Variants in ENOX2 observed in about 807,000 individuals in gnomAD.
ENOX2 encodes the protein APK1 antigen.
ENOX2 carries 36 observed loss-of-function variants against 45.0 expected under a neutral mutation model. The observed-to-expected ratio is 0.80, with a 90% CI of 0.61 to 1.06. The LOEUF (loss-of-function observed/expected upper bound fraction) is 1.06. Ranked by LOEUF, ENOX2 falls within the 50% of genes least tolerant of loss-of-function variation. The pLI is 0.00. For missense variants in ENOX2, 423 were observed against 462.5 expected (o/e 0.91, Z 0.78); for synonymous variants, 174 against 152.3 (o/e 1.14, Z -1.05).
chrX:130,782,282 A>C (rs2076909255), intron 3 of ENOX2, among the ~76,000 whole-genome samples: 1 of 112,141 alleles, frequency 8.9e-6, no homozygotes, highest in African/African-American at 3.2e-5. Flanking sequence ...TACCTACATC[A>C]TTTCAACTAA....
intron 3 of ENOX2, among the ~76,000 whole-genome samples, chrX:130,766,816 A>G (rs914719667): frequency 1.8e-5 from 2 of 112,037 alleles, no homozygotes; most frequent in Non-Finnish European, 3.8e-5. Flanking sequence ...AGTCTTCACA[A>G]TAAGTAATTT....
intron 2 of ENOX2, among the ~76,000 whole-genome samples, chrX:130,848,564 A>G (rs987662476): frequency 1.8e-5 from 2 of 112,299 alleles, no homozygotes; most frequent in Non-Finnish European, 3.8e-5. Flanking sequence ...ATCTAATTCT[A>G]TCTGGCCACA....
rs991028209 is a variant in ENOX2 at position 130,716,496 on chromosome X, T to C, written c.-38-13242A>G. ...GTGGAGGAAAGCCAGAATTACTTAG[T>C]GTTGTAGCTCAATTATCCATGACAA... On this transcript the variant is annotated intron_variant, in intron 3 of 14. Transcript: ENST00000394363. Among the ~76,000 whole-genome samples the C allele has an allele frequency of 2.7e-5, 3 of 111,837 alleles. No homozygotes were observed. The Admixed American group carries it at 2.9e-4, about 11-fold the overall frequency.
rs759382857 is a variant in ENOX2 at position 130,624,066 on chromosome X, A to C, written c.*1248T>G. On this transcript the variant is annotated 3_prime_UTR_variant, in exon 15 of 15. Coordinates refer to ENST00000394363, the MANE Select transcript of ENOX2 (RefSeq NM_006375.4). ...AGGGAGGGTATGCTTGCATTATTAT[A>C]AATACCACAACCACCACCACACACA... is the stretch of plus-strand genomic sequence containing the variant. 2 of 110,761 alleles carry C rather than the reference A, an allele frequency of 1.8e-5. No individual in the cohort carries two copies. The highest frequency in any genetic ancestry group is 3.8e-5 in the Non-Finnish European group (2 of 53,090). The allele number at this position is 110,761 out of a possible 1,213,427, so 9.1% of individuals were successfully genotyped here. A position where few individuals can be genotyped will look rare whatever the true frequency, so the allele number is the denominator to read the frequency against.
intron 5 of ENOX2, 145 bp from the exon 6 acceptor site, chrX:130,679,893 TC>T (rs2037256045): frequency 4.3e-6 from 2 of 462,065 alleles, no homozygotes; most frequent in East Asian, 7.3e-5. Flanking sequence ...TCATCTCTGC[TC>T]CACAGAAAAC....
chrX:130,832,761 G>T (rs2077858855), intron 2 of ENOX2, among the ~76,000 whole-genome samples: 1 of 110,203 alleles, frequency 9.1e-6, no homozygotes, highest in Non-Finnish European at 1.9e-5. Flanking sequence ...GAGAGCAGGG[G>T]TCTCCTAGGC....
chrX:130,862,793 T>G (rs768897041), intron 2 of ENOX2, among the ~76,000 whole-genome samples: 1 of 111,783 alleles, frequency 8.9e-6, no homozygotes, highest in Non-Finnish European at 1.9e-5. Flanking sequence ...AGCAGCCACC[T>G]TAGTTTAACC....
intron 2 of ENOX2, among the ~76,000 whole-genome samples, chrX:130,894,809 A>G (rs1031581561): frequency 3.6e-5 from 4 of 111,497 alleles, no homozygotes; most frequent in Non-Finnish European, 5.7e-5. Flanking sequence ...AGTGGTTCAC[A>G]CACAATATCT....
intron 2 of ENOX2, among the ~76,000 whole-genome samples, chrX:130,832,418 T>TACACAC (rs753016634): frequency 3.9e-4 from 29 of 73,603 alleles, no homozygotes; most frequent in Non-Finnish European, 6.4e-4. Context: ...GATATTCCCT[T>TACACAC]ACACACACAC....
chrX:130,894,940 C>T (rs1235467937), intron 2 of ENOX2, among the ~76,000 whole-genome samples: 5 of 111,899 alleles, frequency 4.5e-5, no homozygotes, highest in Non-Finnish European at 9.4e-5. Context: ...CAATGCCCCT[C>T]ATCCTTTATG....
In ENOX2 at chrX:130,644,650, A is replaced by G. The variant is rs1017994148; in HGVS notation, c.1130-7240T>C. 1.4e-4 allele frequency among the ~76,000 whole-genome samples: 16 copies of G among 112,130 alleles called. No individual in the cohort carries two copies. The Admixed American group carries it at 1.5e-3, about 11-fold the overall frequency. ...AAAAAAGCCAATCTGAAAAGGCTACATACTATAGGATTACAACTATATAAT... is the reference window on the plus strand; with the variant it reads ...AAAAAAGCCAATCTGAAAAGGCTACGTACTATAGGATTACAACTATATAAT... On this transcript the variant is annotated intron_variant, in intron 10 of 14. Transcript: ENST00000394363.
At chrX:130,694,565 T>C (rs1380218795) in intron 4 of ENOX2, among the ~76,000 whole-genome samples, 2 of 109,967 alleles carry the variant, frequency 1.8e-5, no homozygotes, top group Non-Finnish European at 3.8e-5. Flanking sequence ...GTCCTAATAG[T>C]TTTTGGCAGG....
intron 2 of ENOX2, among the ~76,000 whole-genome samples, chrX:130,891,490 G>GTTT (rs140444679): frequency 2.7e-4 from 12 of 44,572 alleles, no homozygotes; most frequent in East Asian, 7.9e-4. Flanking sequence ...ACACTATATG[G>GTTT]TTTTTTTTTT....
At chrX:130,817,768 A>G (rs1263362943) in intron 2 of ENOX2, among the ~76,000 whole-genome samples, 2 of 112,399 alleles carry the variant, frequency 1.8e-5, no homozygotes, top group Admixed American at 9.4e-5. Flanking sequence ...AACATATTTC[A>G]AAATAGTAAG....
chrX:130,627,408 C>A (rs757963377), intron 14 of ENOX2, among the ~76,000 whole-genome samples: 3 of 111,228 alleles, frequency 2.7e-5, no homozygotes, highest in Non-Finnish European at 5.7e-5. Flanking sequence ...CGGCAAAACC[C>A]TGTTTCTATA....
chrX:130,755,743 C>T (rs754601003), intron 3 of ENOX2, among the ~76,000 whole-genome samples: 9 of 111,320 alleles, frequency 8.1e-5, no homozygotes, highest in Non-Finnish European at 1.3e-4. Flanking sequence ...AACCAAACCA[C>T]ACCCTTTTAG....
At chrX:130,673,176 C>T (rs2037035219) in intron 6 of ENOX2, among the ~76,000 whole-genome samples, 1 of 111,532 alleles carries the variant, frequency 9.0e-6, no homozygotes, top group Non-Finnish European at 1.9e-5. Flanking sequence ...CCAACATACG[C>T]TACAGTCACA....
intron 1 of ENOX2, among the ~76,000 whole-genome samples, chrX:130,902,126 C>T (rs958973128): frequency 9.0e-6 from 1 of 111,492 alleles, no homozygotes; most frequent in Non-Finnish European, 1.9e-5. Context: ...GAACTCACCA[C>T]CCCCATCAGT....
rs146546525 is a variant in ENOX2, at chrX:130,824,702, T to C, written c.-182-41012A>G. On this transcript the variant is annotated intron_variant, in intron 2 of 14. Transcript: ENST00000394363. The stretch of plus-strand genomic sequence containing the variant: ...AATAACAAAAAGACTAACAACCAAA[T>C]AGAATAACGAGCAAATGATATGAAT... Among the ~76,000 whole-genome samples the C allele has an allele frequency of 2.3e-4, 26 of 111,032 alleles. No homozygotes were observed. In the Admixed American group the frequency reaches 2.4e-3, roughly 10 times the overall value.
Sources: allele counts gnomAD v4.1 joint callset (sites outside exome capture counted in the v4.1 genomes callset), GRCh38; gene constraint gnomAD v4.1.1; transcripts MANE v1.5; gene names NCBI Gene and HGNC (gene_info 2026-07-23, HGNC 2026-07-21).